Variants in TP53I3 observed in about 807,000 individuals in gnomAD.
TP53I3 encodes the protein tumor protein p53 inducible protein 3.
TP53I3 carries 32 observed loss-of-function variants against 27.7 expected under a neutral mutation model. That is an observed-to-expected ratio of 1.16 (90% CI 0.87 to 1.55). The LOEUF (loss-of-function observed/expected upper bound fraction) is 1.55, where lower values mean the gene tolerates loss of function less well. Ranked by LOEUF, TP53I3 falls within the 40% of genes most tolerant of loss-of-function variation. The pLI, the probability that TP53I3 is intolerant of heterozygous loss-of-function variation, is 0.00. For synonymous variants in TP53I3, 138 were observed against 167.8 expected (o/e 0.82, Z 1.37); for missense variants, 372 against 412.3 (o/e 0.90, Z 0.85).
intron 2 of TP53I3, among the ~76,000 whole-genome samples, chr2:24,081,937 C>T (rs908340285): frequency 3.3e-5 from 5 of 152,068 alleles, no homozygotes; most frequent in African/African-American, 9.7e-5. Flanking sequence ...CCTCATGATC[C>T]ACCCACCTCA....
rs1272001539 is a variant in TP53I3, at chr2:24,080,677, T to C, written c.619+142A>G. The stretch of plus-strand genomic sequence containing the variant: ...GCCTGTCTCCAGTGGTCAAATACCA[T>C]AGTACTAGAATTTGGCCAGGGCAGC... On this transcript the variant is annotated intron_variant, in intron 3 of 4. Transcript: ENST00000238721. This position sits in a 1 kb window ranked among gnomAD's most constrained non-coding sequence, Gnocchi z 4.7. 4.6e-6 allele frequency: 4 copies of C among 861,990 alleles called. No individual in the cohort carries two copies. Among genetic ancestry groups the C allele is most frequent in the East Asian group, 2.4e-5 (1 of 41,292 alleles). 53.4% of individuals were successfully genotyped at this position (861,990 alleles called of 1,614,324 possible).
At chr2:24,082,230 G>A (rs919706132) in intron 2 of TP53I3, among the ~76,000 whole-genome samples, 8 of 152,138 alleles carry the variant, frequency 5.3e-5, no homozygotes, top group African/African-American at 1.7e-4. Flanking sequence ...TCCTGGGCTC[G>A]TGATCTGTCT....
At position 24,079,605 on chromosome 2, in the gene TP53I3, C is replaced by T. The variant is rs748540466; in HGVS notation, c.655G>A (p.Gly219Arg). 2.4e-5 allele frequency: 39 copies of T among 1,613,926 alleles called. No homozygotes were observed. The highest frequency in any genetic ancestry group is 1.4e-4 in the South Asian group (13 of 91,072). Residue 219 changes from glycine to arginine, a missense_variant, in exon 4 of 5, where the codon GGA becomes AGA. Gly to Arg is a moderately radical substitution (Grantham distance 125). Coordinates refer to ENST00000238721, the MANE Select transcript of TP53I3 (RefSeq NM_004881.5). ...TTGACGTTCTTCTCCCAGTAGGATC[C>T]GCCTATGCAGTCTAGAATAAGATTA... is the stretch of plus-strand genomic sequence containing the variant. ...GVNLILDCIG[G>R]SYWEKNVNCL...
chr2:24,079,277 T>C, intron 4 of TP53I3, 167 bp downstream of exon 4: 1 of 657,746 alleles, frequency 1.5e-6, no homozygotes, highest in Non-Finnish European at 2.6e-6. Flanking sequence ...TCAACCAATC[T>C]GAATCAGTTC....
intron 1 of TP53I3, among the ~76,000 whole-genome samples, chr2:24,083,557 G>A (rs1223133189): frequency 2.0e-5 from 3 of 152,180 alleles, no homozygotes; most frequent in African/African-American, 7.2e-5. Flanking sequence ...AGGAGTGTGT[G>A]GCAGAACCAC....
Position 24,080,696 on chromosome 2 carries a change from G to A in TP53I3, c.619+123C>T. 8.5e-7 allele frequency: 1 copy of A among 1,171,390 alleles called. No individual in the cohort carries two copies. Among genetic ancestry groups the A allele is most frequent in the Non-Finnish European group, 1.2e-6 (1 of 804,996 alleles). 72.6% of individuals were successfully genotyped at this position (1,171,390 alleles called of 1,614,324 possible). ...ATACCATAGTACTAGAATTTGGCCA[G>A]GGCAGCTGTTGTGCACTTAGCAGAG... On this transcript the variant is annotated intron_variant, in intron 3 of 4. Coordinates refer to ENST00000238721, the MANE Select transcript of TP53I3 (RefSeq NM_004881.5). The surrounding 1 kb of genome is among the most constrained non-coding windows in gnomAD (Gnocchi z 4.7).
chr2:24,083,346 C>A (rs989536582), intron 1 of TP53I3, among the ~76,000 whole-genome samples, 194 bp from the exon 2 acceptor site: 4 of 152,054 alleles, frequency 2.6e-5, no homozygotes, highest in African/African-American at 9.7e-5. Context: ...GTCACATGAT[C>A]AGTGGATGTT....
chr2:24,079,415 CA>C, intron 4 of TP53I3, 28 bp downstream of exon 4: 1 of 1,609,306 alleles, frequency 6.2e-7, no homozygotes, highest in Non-Finnish European at 8.5e-7. Flanking sequence ...TGGGTTAAAT[CA>C]CATGTTTTCT....
In TP53I3 at chr2:24,079,640, C is replaced by A. The variant is rs1264543082; in HGVS notation, c.620G>T (p.Gly207Val). The A allele has an allele frequency of 6.2e-7, 1 of 1,613,342 alleles. No homozygotes were observed. The highest frequency in any genetic ancestry group is 8.5e-7 in the Non-Finnish European group (1 of 1,179,634). Residue 207 changes from glycine (G) to valine (V), a missense_variant and splice_region_variant, in exon 4 of 5, where the codon GGT (glycine) becomes GTT (valine). Gly to Val is a moderately radical substitution (Grantham distance 109, BLOSUM62 -3). Coordinates refer to ENST00000238721, the MANE Select transcript of TP53I3 (RefSeq NM_004881.5). ...GTCTAGAATAAGATTAACTCCAGCA[C>A]CTTCCATAGGAAACAGATTTGTGAT... ...FSEATLKFTK[G>V]AGVNLILDCI...
Position 24,084,171 on chromosome 2 carries a change from C to T in TP53I3, c.138+18G>A. 1.2e-6 allele frequency: 2 copies of T among 1,600,674 alleles called. No homozygotes were observed. The highest frequency in any genetic ancestry group is 1.7e-6 in the Non-Finnish European group (2 of 1,174,648). The stretch of plus-strand genomic sequence containing the variant: ...CTCTGGAGTCCCGCCCGCCCCGGCG[C>T]GGCTGAGCCCTGGGTACCTGCATTA... On this transcript the variant is annotated intron_variant, in intron 1 of 4. Coordinates refer to ENST00000238721, the MANE Select transcript of TP53I3 (RefSeq NM_004881.5). The surrounding 1 kb of genome is among the most constrained non-coding windows in gnomAD (Gnocchi z 8.4).
In TP53I3 at chr2:24,080,936, G is replaced by T. The variant is rs1664974952; in HGVS notation, c.502C>A (p.Pro168Thr). The T allele has an allele frequency of 2.5e-6, 4 of 1,614,030 alleles. No homozygotes were observed. In the African/African-American group the frequency reaches 5.3e-5, roughly 22 times the overall value. ...IQLTRMAGAI[P>T]LVTAGSQKKL... is the part of the protein sequence containing the mutation. Reference sequence around the variant, plus strand: ...TTCTGGGAGCCAGCTGTGACCAGAGGAATAGCTCCAGCCATCCGGGTGAGT... The same window carrying T: ...TTCTGGGAGCCAGCTGTGACCAGAGTAATAGCTCCAGCCATCCGGGTGAGT... Residue 168 changes from proline (P) to threonine (T), a missense_variant, in exon 3 of 5, where the codon CCT (proline) becomes ACT (threonine). Pro to Thr is a conservative substitution (Grantham distance 38). Coordinates refer to ENST00000238721, the MANE Select transcript of TP53I3 (RefSeq NM_004881.5). This position sits in a 1 kb window ranked among gnomAD's most constrained non-coding sequence, Gnocchi z 4.7.
At chr2:24,083,842 G>A (rs1379971692) in intron 1 of TP53I3, among the ~76,000 whole-genome samples, 1 of 152,136 alleles carries the variant, frequency 6.6e-6, no homozygotes, top group African/African-American at 2.4e-5. Context: ...TGGGCGTACT[G>A]CTTAACCTCA....
chr2:24,080,953 C>A lies in TP53I3; in HGVS notation c.485G>T (p.Arg162Leu), dbSNP rs769647439. Reference protein sequence around the residue: ...GVGTAAIQLTRMAGAIPLVTA... With the variant: ...GVGTAAIQLTLMAGAIPLVTA... ...GACCAGAGGAATAGCTCCAGCCATCCGGGTGAGTTGGATAGCAGCTGTGCC... is the reference window on the plus strand; with the variant it reads ...GACCAGAGGAATAGCTCCAGCCATCAGGGTGAGTTGGATAGCAGCTGTGCC... The change falls in exon 3 of 5, where the codon CGG becomes CTG. Residue 162 changes from arginine to leucine, a missense_variant. Transcript: ENST00000238721. The surrounding 1 kb of genome is among the most constrained non-coding windows in gnomAD (Gnocchi z 4.7). The A allele has an allele frequency of 1.9e-6, 3 of 1,614,056 alleles. No individual in the cohort carries two copies. The East Asian group carries it at 6.7e-5, about 36-fold the overall frequency.
intron 2 of TP53I3, 108 bp from the exon 3 acceptor site, chr2:24,081,139 T>A: frequency 1.2e-6 from 1 of 854,202 alleles, no homozygotes; most frequent in Non-Finnish European, 1.6e-6. Context: ...GCCAAATCAA[T>A]CTTTTGCTTT....
In TP53I3 at chr2:24,080,766, TTTTA is replaced by T; in HGVS notation, c.619+49_619+52del. ...CTGGCAACTTTGAGACTGGTGGGGC[TTTTA>T]TTTAATCATCTCTTAAATTCCTGCT... On this transcript the variant is annotated intron_variant, in intron 3 of 4. Coordinates refer to ENST00000238721, the MANE Select transcript of TP53I3 (RefSeq NM_004881.5). This position sits in a 1 kb window ranked among gnomAD's most constrained non-coding sequence, Gnocchi z 4.7. The T allele has an allele frequency of 6.2e-7, 1 of 1,608,144 alleles. No individual in the cohort carries two copies. The highest frequency in any genetic ancestry group is 1.1e-5 in the South Asian group (1 of 90,638).
rs778957795 is a variant in TP53I3, at chr2:24,084,227, C to T, written c.100G>A (p.Val34Met). ...GCCCGGTTCAGGGCGCTGGCCGCCA[C>T]CTTCAGGAGGACTTCACCCTCCCCC... is the stretch of plus-strand genomic sequence containing the variant. ...SPGEGEVLLK[V>M]AASALNRADL... The change falls in exon 1 of 5, where the codon GTG becomes ATG. Residue 34 changes from valine to methionine, a missense_variant. Physicochemically the swap from Val to Met is conservative, Grantham distance 21. Transcript: ENST00000238721. The surrounding 1 kb of genome is among the most constrained non-coding windows in gnomAD (Gnocchi z 8.4). 6.2e-7 allele frequency: 1 copy of T among 1,613,974 alleles called. No homozygotes were observed. The highest frequency in any genetic ancestry group is 8.5e-7 in the Non-Finnish European group (1 of 1,179,964).
intron 2 of TP53I3, among the ~76,000 whole-genome samples, chr2:24,082,258 A>G (rs1665039602): frequency 6.6e-6 from 1 of 152,208 alleles, no homozygotes; most frequent in Non-Finnish European, 1.5e-5. Flanking sequence ...TGCTACGATT[A>G]TAGGTGTGAG....
At position 24,080,821 on chromosome 2, in the gene TP53I3, T is replaced by C. The variant is rs1330577393; in HGVS notation, c.617A>G (p.Lys206Arg). Residue 206 changes from lysine (K) to arginine (R), a missense_variant and splice_region_variant, in exon 3 of 5, where the codon AAA (lysine) becomes AGA (arginine). Transcript: ENST00000238721. This position sits in a 1 kb window ranked among gnomAD's most constrained non-coding sequence, Gnocchi z 4.7. Reference protein sequence around the residue: ...DFSEATLKFTKGAGVNLILDC... With the variant: ...DFSEATLKFTRGAGVNLILDC... ...GAACTGTAGAAGCAGTTGTTTACCTTTGGTGAATTTCAGCGTTGCTTCAGA... is the reference window on the plus strand; with the variant it reads ...GAACTGTAGAAGCAGTTGTTTACCTCTGGTGAATTTCAGCGTTGCTTCAGA... The C allele has an allele frequency of 6.2e-7, 1 of 1,614,216 alleles. No individual in the cohort carries two copies.
chr2:24,078,631 C>T (rs147935951), intron 4 of TP53I3, among the ~76,000 whole-genome samples: 62 of 152,244 alleles, frequency 4.1e-4, no homozygotes, highest in African/African-American at 1.4e-3. Context: ...AAATGTGTAA[C>T]TTCTGTTCTG....
Sources: allele counts gnomAD v4.1 joint callset (sites outside exome capture counted in the v4.1 genomes callset), GRCh38; gene constraint gnomAD v4.1.1; non-coding constraint Gnocchi (gnomAD v3.1); transcripts MANE v1.5; gene names NCBI Gene and HGNC (gene_info 2026-07-23, HGNC 2026-07-21).